The following KCNQ5 variants were observed in gnomAD, a reference collection of about 807,000 sequenced individuals.
KCNQ5 encodes potassium voltage-gated channel subfamily KQT member 5.
Under a neutral mutation model 98.2 loss-of-function variants are expected in KCNQ5, and 30 were observed. The ratio of observed to expected loss-of-function variants is 0.31; its 90% confidence interval spans 0.23 to 0.41. KCNQ5 has a LOEUF of 0.41. Among genes scored for constraint, KCNQ5 ranks in the 10% least tolerant of loss-of-function variants. KCNQ5 has a pLI of 1.00. For synonymous variants in KCNQ5, 458 were observed against 449.4 expected, an observed-to-expected ratio of 1.02 and a Z score of -0.24; for missense variants, 835 against 1,182.5, an observed-to-expected ratio of 0.71 and a Z score of 4.31.
intron 1 of KCNQ5, among the ~76,000 whole-genome samples, chr6:72,930,064 G>T (rs889524590): frequency 1.1e-4 from 17 of 151,828 alleles, no homozygotes; most frequent in Non-Finnish European, 2.4e-4. Context: ...TTTAGTGTTT[G>T]TCCCACTTTA....
chr6:72,897,102 TG>T (rs1170462667), intron 1 of KCNQ5, among the ~76,000 whole-genome samples: 3 of 151,870 alleles, frequency 2.0e-5, no homozygotes, highest in African/African-American at 7.3e-5. Flanking sequence ...TGGGTAACGA[TG>T]GGAAGAGCAG....
chr6:73,159,721 CCTGA>C (rs1777533396), intron 10 of KCNQ5, among the ~76,000 whole-genome samples: 1 of 152,120 alleles, frequency 6.6e-6, no homozygotes, highest in Admixed American at 6.5e-5. Context: ...GCTAGTCTTT[CCTGA>C]CTGACTTATT....
chr6:72,625,520 A>G (rs1338937179), intron 1 of KCNQ5, among the ~76,000 whole-genome samples: 1 of 152,174 alleles, frequency 6.6e-6, no homozygotes. Context: ...TTTGAAGAAT[A>G]ATGAGGGTAG....
At chr6:73,098,642 A>G (rs1231577454) in intron 5 of KCNQ5, among the ~76,000 whole-genome samples, 2 of 152,208 alleles carry the variant, frequency 1.3e-5, no homozygotes, top group African/African-American at 2.4e-5. Context: ...ATCCTTGAAT[A>G]GTATATCTGG....
chr6:73,055,097 A>G (rs1218676975), intron 3 of KCNQ5: 3 of 728,318 alleles, frequency 4.1e-6, no homozygotes, highest in African/African-American at 1.7e-5. Context: ...GCCTGCCACC[A>G]TGGCCACCTA....
At chr6:72,698,648 C>CTTCTTTTT (rs1554689823) in intron 1 of KCNQ5, among the ~76,000 whole-genome samples, 21 of 94,010 alleles carry the variant, frequency 2.2e-4, no homozygotes, top group African/African-American at 3.6e-4. Context: ...TCTTCTTCTT[C>CTTCTTTTT]TTTTTTTTTT....
rs1386682653 is a variant in KCNQ5, at chr6:72,663,819, C to T, written c.398+41232C>T. 2.6e-5 allele frequency among the ~76,000 whole-genome samples: 4 copies of T among 151,918 alleles called. No individual in the cohort carries two copies. The East Asian group carries it at 7.7e-4, about 29-fold the overall frequency. On this transcript the variant is annotated intron_variant, in intron 1 of 13. Coordinates refer to ENST00000370398, the MANE Select transcript of KCNQ5 (RefSeq NM_019842.4). Reference sequence around the variant, plus strand: ...AATATATTCTTTAAAAAAAAAAGTACTTCTAGTGTTCTCAACCATTCTTTA... The same window carrying T: ...AATATATTCTTTAAAAAAAAAAGTATTTCTAGTGTTCTCAACCATTCTTTA...
chr6:72,739,917 A>G (rs925785888), intron 1 of KCNQ5, among the ~76,000 whole-genome samples: 3 of 152,216 alleles, frequency 2.0e-5, no homozygotes, highest in Non-Finnish European at 2.9e-5. Context: ...CTGGGTAACA[A>G]GATACCATAA....
chr6:73,098,414 G>A (rs763565182), intron 5 of KCNQ5, among the ~76,000 whole-genome samples: 7 of 152,032 alleles, frequency 4.6e-5, no homozygotes, highest in Non-Finnish European at 7.4e-5. Flanking sequence ...AGTAAAAGAA[G>A]GCTATAGAAC....
intron 1 of KCNQ5, among the ~76,000 whole-genome samples, chr6:72,961,488 G>C (rs920738664): frequency 1.3e-5 from 2 of 152,080 alleles, no homozygotes; most frequent in Non-Finnish European, 2.9e-5. Context: ...CGGGCGTGGT[G>C]GCGGGCGCCT....
At chr6:72,778,660 G>T (rs565899754) in intron 1 of KCNQ5, among the ~76,000 whole-genome samples, 1 of 152,148 alleles carries the variant, frequency 6.6e-6, no homozygotes. Context: ...TAGCTTGATT[G>T]TGGTAATAAT....
chr6:72,785,650 CAAAA>C (rs68046119), intron 1 of KCNQ5, among the ~76,000 whole-genome samples: 1 of 141,582 alleles, frequency 7.1e-6, no homozygotes, highest in Non-Finnish European at 1.5e-5. Flanking sequence ...AACTCCATCT[CAAAA>C]AAAAAAAACA....
At chr6:73,056,388 A>C (rs1174060092) in intron 3 of KCNQ5, among the ~76,000 whole-genome samples, 1 of 136,950 alleles carries the variant, frequency 7.3e-6, no homozygotes, top group Non-Finnish European at 1.5e-5. Context: ...TATGTGTTAC[A>C]TTTACTTTTA....
At chr6:72,876,305 T>C (rs1178784437) in intron 1 of KCNQ5, among the ~76,000 whole-genome samples, 3 of 152,126 alleles carry the variant, frequency 2.0e-5, no homozygotes. Flanking sequence ...TCCCTATATA[T>C]TTGAAAATAT....
chr6:72,707,316 T>C (rs1047314764), intron 1 of KCNQ5, among the ~76,000 whole-genome samples: 3 of 152,242 alleles, frequency 2.0e-5, no homozygotes, highest in Non-Finnish European at 4.4e-5. Context: ...ATAATTAATA[T>C]AAATCAGTAC....
intron 1 of KCNQ5, among the ~76,000 whole-genome samples, chr6:72,832,784 C>A (rs546622566): frequency 2.0e-4 from 30 of 152,222 alleles, no homozygotes; most frequent in Admixed American, 1.3e-3. Flanking sequence ...AGCAAACACT[C>A]ATCTTATTTT....
chr6:72,678,949 A>T (rs1195027913), intron 1 of KCNQ5, among the ~76,000 whole-genome samples: 4 of 152,182 alleles, frequency 2.6e-5, no homozygotes, highest in African/African-American at 7.2e-5. Context: ...CTTCAAAGCA[A>T]TTTTTTCAAA....
intron 1 of KCNQ5, among the ~76,000 whole-genome samples, chr6:72,638,195 G>A (rs2098925288): frequency 6.6e-6 from 1 of 152,204 alleles, no homozygotes; most frequent in South Asian, 2.1e-4. Flanking sequence ...CCATGCTTCA[G>A]TAGCCCATTA....
chr6:73,150,968 G>A (rs993043482), intron 10 of KCNQ5, among the ~76,000 whole-genome samples: 5 of 152,006 alleles, frequency 3.3e-5, no homozygotes, highest in African/African-American at 4.8e-5. Context: ...ACAACATGAG[G>A]ACTCCTTGTG....
Sources: allele counts gnomAD v4.1 joint callset (sites outside exome capture counted in the v4.1 genomes callset), GRCh38; gene constraint gnomAD v4.1.1; transcripts MANE v1.5; gene names NCBI Gene and HGNC (gene_info 2026-07-23, HGNC 2026-07-21).